ZCCHC7: variants seen among roughly 807,000 people sequenced by gnomAD.
ZCCHC7 encodes zinc finger CCHC-type containing 7.
In ZCCHC7, 35 loss-of-function variants were observed where a neutral mutation model predicts 52.0. That is an observed-to-expected ratio of 0.67 (90% CI 0.51 to 0.89). The LOEUF (loss-of-function observed/expected upper bound fraction) is 0.89, where lower values mean the gene tolerates loss of function less well. Among genes scored for constraint, ZCCHC7 ranks in the 40% least tolerant of loss-of-function variants. ZCCHC7 has a pLI of 0.00. For synonymous variants in ZCCHC7, 217 were observed against 221.5 expected, an observed-to-expected ratio of 0.98 and a Z score of 0.18; for missense variants, 574 against 649.1, an observed-to-expected ratio of 0.88 and a Z score of 1.26.
intron 5 of ZCCHC7, chr9:37,327,399 T>G (rs1182134468): frequency 6.0e-6 from 1 of 165,538 alleles, no homozygotes; most frequent in Admixed American, 6.2e-5. Flanking sequence ...TTAAAGCAGT[T>G]ACTATTAAAT....
At chr9:37,232,027 T>G (rs987010487) in intron 2 of ZCCHC7, among the ~76,000 whole-genome samples, 2 of 152,246 alleles carry the variant, frequency 1.3e-5, no homozygotes, top group East Asian at 3.8e-4. Flanking sequence ...GTGTTAATAG[T>G]TATTTCATTA....
Position 37,206,702 on chromosome 9 carries a change from C to T in ZCCHC7, c.610+79760C>T, listed in dbSNP as rs185797550. On this transcript the variant is annotated intron_variant, in intron 2 of 8. Transcript: ENST00000336755. ...TGGTATTTTTCTCTGGAAATTGCAG[C>T]GACTTTGACCTGTGTACATTCTGTG... 3.9e-5 allele frequency among the ~76,000 whole-genome samples: 6 copies of T among 152,174 alleles called. No individual in the cohort carries two copies. The East Asian group carries it at 5.8e-4, about 15-fold the overall frequency.
intron 1 of ZCCHC7, among the ~76,000 whole-genome samples, chr9:37,123,034 G>A (rs1255527589): frequency 6.6e-6 from 1 of 152,252 alleles, no homozygotes; most frequent in South Asian, 2.1e-4. Flanking sequence ...TTAACCAGCT[G>A]CATAACCTTG....
chr9:37,210,301 C>T (rs555112014), intron 2 of ZCCHC7, among the ~76,000 whole-genome samples: 7 of 152,266 alleles, frequency 4.6e-5, no homozygotes, highest in East Asian at 1.9e-4. Flanking sequence ...CATTTGCAGC[C>T]GTGGACCTTC....
intron 2 of ZCCHC7, among the ~76,000 whole-genome samples, chr9:37,144,500 T>C (rs1564139873): frequency 6.6e-6 from 1 of 151,996 alleles, no homozygotes; most frequent in Non-Finnish European, 1.5e-5. Context: ...GAAAACTCTT[T>C]TGTGATAAAT....
intron 6 of ZCCHC7, among the ~76,000 whole-genome samples, chr9:37,337,392 T>TC (rs1688050957): frequency 1.5e-3 from 20 of 13,736 alleles, no homozygotes; most frequent in African/African-American, 3.2e-3. Flanking sequence ...CACCCCACCC[T>TC]ACCCACCCAC....
intron 5 of ZCCHC7, among the ~76,000 whole-genome samples, chr9:37,313,846 A>T (rs1329505935): frequency 5.3e-5 from 8 of 152,182 alleles, no homozygotes; most frequent in African/African-American, 1.9e-4. Context: ...GTGGAACTTG[A>T]GTCAGTTAAA....
intron 2 of ZCCHC7, among the ~76,000 whole-genome samples, chr9:37,142,793 A>C (rs1004479747): frequency 2.6e-5 from 4 of 151,814 alleles, no homozygotes; most frequent in African/African-American, 9.7e-5. Context: ...GTAATTATTG[A>C]GAAACTTGAA....
intron 2 of ZCCHC7, among the ~76,000 whole-genome samples, chr9:37,190,888 G>A (rs1822983173): frequency 6.6e-6 from 1 of 152,112 alleles, no homozygotes; most frequent in South Asian, 2.1e-4. Context: ...TGGGCGTGGT[G>A]GTGCTTGCCT....
chr9:37,335,303 T>C (rs2118341854), intron 6 of ZCCHC7, among the ~76,000 whole-genome samples: 1 of 152,238 alleles, frequency 6.6e-6, no homozygotes, highest in African/African-American at 2.4e-5. Context: ...GCAAGCAAAT[T>C]TCTGAGGAAA....
intron 2 of ZCCHC7, among the ~76,000 whole-genome samples, chr9:37,173,123 C>CAACGT (rs1473029359): frequency 1.3e-5 from 2 of 151,742 alleles, no homozygotes; most frequent in African/African-American, 4.9e-5. Context: ...CTCGAGTGAA[C>CAACGT]AACGTGGGCA....
rs572311335 is a variant in ZCCHC7, at chr9:37,237,403, TCTC to T, written c.611-64784_611-64782del. On this transcript the variant is annotated intron_variant, in intron 2 of 8. Coordinates refer to ENST00000336755, the MANE Select transcript of ZCCHC7 (RefSeq NM_032226.3). ...TTTCATGAATAGATAGTGATCCTCT[TCTC>T]ATGTTTCAGGGTTCTGTCTTCATAC... 1.0e-3 allele frequency among the ~76,000 whole-genome samples: 153 copies of T among 152,288 alleles called. 2 individuals carry two copies. The highest frequency in any genetic ancestry group is 3.4e-3 in the Middle Eastern group (1 of 294).
chr9:37,134,746 A>C (rs1439565719), intron 2 of ZCCHC7, among the ~76,000 whole-genome samples: 2 of 151,826 alleles, frequency 1.3e-5, no homozygotes, highest in Admixed American at 1.3e-4. Context: ...ATTTTTTGAG[A>C]CGGAATTTCG....
At chr9:37,300,319 A>G (rs1564237635) in intron 2 of ZCCHC7, among the ~76,000 whole-genome samples, 1 of 152,228 alleles carries the variant, frequency 6.6e-6, no homozygotes, top group East Asian at 1.9e-4. Flanking sequence ...TTGAATTTTA[A>G]TGATGAAAGA....
At position 37,255,177 on chromosome 9, in the gene ZCCHC7, T is replaced by G. The variant is rs942476325; in HGVS notation, c.611-47011T>G. 3.9e-5 allele frequency among the ~76,000 whole-genome samples: 6 copies of G among 152,158 alleles called. No individual in the cohort carries two copies. The East Asian group carries it at 7.7e-4, about 20-fold the overall frequency. On this transcript the variant is annotated intron_variant, in intron 2 of 8. Transcript: ENST00000336755. Reference sequence around the variant, plus strand: ...TAGGCACAATAAGAGAACAACAAGATAGAACAATTATAACAGTATAGCATA... The same window carrying G: ...TAGGCACAATAAGAGAACAACAAGAGAGAACAATTATAACAGTATAGCATA...
intron 2 of ZCCHC7, among the ~76,000 whole-genome samples, chr9:37,152,255 T>G (rs1466580741): frequency 1.3e-5 from 2 of 152,032 alleles, no homozygotes; most frequent in Non-Finnish European, 2.9e-5. Context: ...TTTTTTTTAA[T>G]TTTAGAAAAA....
At chr9:37,149,685 A>G (rs1376548198) in intron 2 of ZCCHC7, among the ~76,000 whole-genome samples, 1 of 152,166 alleles carries the variant, frequency 6.6e-6, no homozygotes. Context: ...CGCATGTAAT[A>G]TATGCTACTT....
chr9:37,163,286 G>T (rs1325883968), intron 2 of ZCCHC7, among the ~76,000 whole-genome samples: 1 of 151,282 alleles, frequency 6.6e-6, no homozygotes, highest in Admixed American at 6.6e-5. Context: ...TACTTGGGAG[G>T]CTGAGGCACA....
rs961018771 is a variant in ZCCHC7 at position 37,120,586 on chromosome 9, T to A, written c.-59T>A. The A allele has an allele frequency of 2.5e-6, 1 of 399,162 alleles. No homozygotes were observed. Among genetic ancestry groups the A allele is most frequent in the Non-Finnish European group, 4.4e-6 (1 of 226,192 alleles). 24.7% of individuals were successfully genotyped at this position (399,162 alleles called of 1,614,324 possible). On this transcript the variant is annotated 5_prime_UTR_variant, in exon 1 of 9. Coordinates refer to ENST00000336755, the MANE Select transcript of ZCCHC7 (RefSeq NM_032226.3). ...CCCCTCCCCGTCCCTCTACGCGTTTTGGTTCCCGGTTGGTGCTTCCTGTTC... is the reference window on the plus strand; with the variant it reads ...CCCCTCCCCGTCCCTCTACGCGTTTAGGTTCCCGGTTGGTGCTTCCTGTTC...
Sources: allele counts gnomAD v4.1 joint callset (sites outside exome capture counted in the v4.1 genomes callset), GRCh38; gene constraint gnomAD v4.1.1; transcripts MANE v1.5; gene names NCBI Gene and HGNC (gene_info 2026-07-23, HGNC 2026-07-21).